Variants in EMCN observed in about 807,000 individuals in gnomAD.
The protein encoded by EMCN is endomucin.
In EMCN, 37 loss-of-function variants were observed where a neutral mutation model predicts 38.4. The ratio of observed to expected loss-of-function variants is 0.96; its 90% CI spans 0.74 to 1.27. The LOEUF is 1.27. Among genes scored for constraint, EMCN ranks in the 50% most tolerant of loss-of-function variants. The pLI is 0.00. For missense variants in EMCN, 318 were observed against 302.8 expected (o/e 1.05, Z -0.37); for synonymous variants, 95 against 100.8 (o/e 0.94, Z 0.35).
At chr4:100,424,872 G>T (rs2110221174) in intron 5 of EMCN, among the ~76,000 whole-genome samples, 1 of 152,038 alleles carries the variant, frequency 6.6e-6, no homozygotes, top group African/African-American at 2.4e-5. Context: ...TTTCTCAAGG[G>T]TTAATTGTCC....
intron 7 of EMCN, among the ~76,000 whole-genome samples, chr4:100,421,973 C>A (rs889121637): frequency 1.3e-5 from 2 of 151,788 alleles, no homozygotes; most frequent in African/African-American, 4.8e-5. Flanking sequence ...GTGAGTTTTT[C>A]ATATTTGTAT....
At chr4:100,455,001 T>A (rs1214279355) in intron 4 of EMCN, among the ~76,000 whole-genome samples, 1 of 152,162 alleles carries the variant, frequency 6.6e-6, no homozygotes, top group Non-Finnish European at 1.5e-5. Context: ...TTTAACAATC[T>A]TATCTTTATA....
chr4:100,451,692 G>T (rs1159984395), intron 4 of EMCN, among the ~76,000 whole-genome samples: 1 of 151,874 alleles, frequency 6.6e-6, no homozygotes, highest in African/African-American at 2.4e-5. Flanking sequence ...GAAAAACAGG[G>T]TTTTAATCTT....
intron 1 of EMCN, among the ~76,000 whole-genome samples, chr4:100,498,491 CT>C (rs768052759): frequency 0.011 from 1,563 of 144,774 alleles, 17 homozygotes; most frequent in African/African-American, 0.029. Flanking sequence ...CAGTGTATCA[CT>C]TTTTTTTTTT....
chr4:100,423,851 G>GA (rs1330215856), intron 5 of EMCN, among the ~76,000 whole-genome samples: 2 of 151,988 alleles, frequency 1.3e-5, no homozygotes, highest in East Asian at 3.9e-4. Context: ...TGATTGAAGA[G>GA]AAAAAAATTG....
At chr4:100,508,438 G>A (rs1014625756) in intron 1 of EMCN, among the ~76,000 whole-genome samples, 2 of 152,080 alleles carry the variant, frequency 1.3e-5, no homozygotes, top group Non-Finnish European at 2.9e-5. Context: ...TGTATTATGG[G>A]GAAAGGATTC....
intron 3 of EMCN, among the ~76,000 whole-genome samples, chr4:100,467,807 C>T (rs1728364729): frequency 6.6e-6 from 1 of 151,778 alleles, no homozygotes; most frequent in East Asian, 1.9e-4. Flanking sequence ...GAGTAATTCA[C>T]ACCTTCAGAG....
Position 100,505,192 on chromosome 4 carries a change from C to T in EMCN, c.64+12659G>A, listed in dbSNP as rs571157815. Reference sequence around the variant, plus strand: ...TCCAGTAAATATCAGTGCAGCCTGGCATTCGGGGCCACTACTGGTCTCCGC... The same window carrying T: ...TCCAGTAAATATCAGTGCAGCCTGGTATTCGGGGCCACTACTGGTCTCCGC... On this transcript the variant is annotated intron_variant, in intron 1 of 11. Coordinates refer to ENST00000296420, the MANE Select transcript of EMCN (RefSeq NM_016242.4). Among the ~76,000 whole-genome samples, 18 of 152,250 alleles carry T rather than the reference C, an allele frequency of 1.2e-4. No homozygotes were observed. The South Asian group carries it at 3.5e-3, about 30-fold the overall frequency.
At chr4:100,445,413 C>A (rs1375027209) in intron 5 of EMCN, among the ~76,000 whole-genome samples, 1 of 151,904 alleles carries the variant, frequency 6.6e-6, no homozygotes, top group African/African-American at 2.4e-5. Context: ...TTTTTGAAGT[C>A]GTTGCAAAAA....
intron 2 of EMCN, among the ~76,000 whole-genome samples, chr4:100,478,455 AT>A (rs1245509376): frequency 6.6e-6 from 1 of 152,128 alleles, no homozygotes; most frequent in Non-Finnish European, 1.5e-5. Context: ...GATTGTCTAT[AT>A]TTTTTGAGAT....
intron 5 of EMCN, chr4:100,446,119 C>T (rs1157128762): frequency 3.0e-6 from 3 of 985,186 alleles, no homozygotes; most frequent in Non-Finnish European, 3.6e-6. Flanking sequence ...TCTGACTTCT[C>T]CTTGATAGTC....
intron 11 of EMCN, among the ~76,000 whole-genome samples, chr4:100,403,847 T>C (rs1047710939): frequency 6.6e-6 from 1 of 152,180 alleles, no homozygotes; most frequent in Admixed American, 6.6e-5. Context: ...CTTTTGCATA[T>C]GCTTGTTGGC....
At chr4:100,401,139 G>C (rs17030063) in intron 11 of EMCN, among the ~76,000 whole-genome samples, 1 of 151,978 alleles carries the variant, frequency 6.6e-6, no homozygotes, top group African/African-American at 2.4e-5. Flanking sequence ...GTGGAACCCA[G>C]TGTAGAGCAT....
chr4:100,501,035 C>T (rs538909770), intron 1 of EMCN, among the ~76,000 whole-genome samples: 2 of 152,044 alleles, frequency 1.3e-5, no homozygotes, highest in South Asian at 4.1e-4. Flanking sequence ...TCAATTTTGC[C>T]ACTGCATCTT....
At chr4:100,493,495 CAG>C (rs1186410460) in intron 1 of EMCN, among the ~76,000 whole-genome samples, 1 of 152,162 alleles carries the variant, frequency 6.6e-6, no homozygotes, top group Non-Finnish European at 1.5e-5. Context: ...CTGGGAACTG[CAG>C]AGTTTACACC....
At chr4:100,464,511 T>C in intron 4 of EMCN, among the ~76,000 whole-genome samples, 1 of 152,088 alleles carries the variant, frequency 6.6e-6, no homozygotes, top group East Asian at 1.9e-4. Flanking sequence ...TTATTAGGTA[T>C]GATGTTAGCT....
chr4:100,494,167 T>C (rs998785428), intron 1 of EMCN, among the ~76,000 whole-genome samples: 1 of 152,204 alleles, frequency 6.6e-6, no homozygotes, highest in Admixed American at 6.5e-5. Context: ...TGATTTTTGA[T>C]TTTTTATACT....
At chr4:100,449,497 A>ACC (rs1727779350) in intron 4 of EMCN, among the ~76,000 whole-genome samples, 1 of 152,128 alleles carries the variant, frequency 6.6e-6, no homozygotes, top group South Asian at 2.1e-4. Flanking sequence ...ACTTTTGATA[A>ACC]CTAATTAAAA....
intron 4 of EMCN, among the ~76,000 whole-genome samples, chr4:100,462,835 A>G (rs900016700): frequency 1.3e-5 from 2 of 152,118 alleles, no homozygotes; most frequent in African/African-American, 4.8e-5. Flanking sequence ...CTTCTAGGCA[A>G]ACTTCTGTAT....
Sources: allele counts gnomAD v4.1 joint callset (sites outside exome capture counted in the v4.1 genomes callset), GRCh38; gene constraint gnomAD v4.1.1; transcripts MANE v1.5; gene names NCBI Gene and HGNC (gene_info 2026-07-23, HGNC 2026-07-21).